The following TRPC7 variants were observed in gnomAD, a reference collection of about 807,000 sequenced individuals.
TRPC7 encodes the protein transient receptor potential cation channel subfamily C member 7, also known as short transient receptor potential channel 7.
TRPC7 carries 42 observed loss-of-function variants against 90.1 expected under a neutral mutation model. The observed-to-expected ratio is 0.47, with a 90% CI of 0.36 to 0.60. The LOEUF (loss-of-function observed/expected upper bound fraction) is 0.60, where lower values mean the gene tolerates loss of function less well. Among genes scored for constraint, TRPC7 ranks in the 20% least tolerant of loss-of-function variants. The probability of loss-of-function intolerance (pLI) is 0.00; values close to 1 mark genes in which losing one functional copy is unlikely to be tolerated. For synonymous variants in TRPC7, 451 were observed against 436.3 expected (o/e 1.03, Z -0.42); for missense variants, 955 against 1,112.3 (o/e 0.86, Z 2.01).
intron 3 of TRPC7, among the ~76,000 whole-genome samples, chr5:136,305,847 C>A (rs2149834327): frequency 6.6e-6 from 1 of 152,278 alleles, no homozygotes; most frequent in South Asian, 2.1e-4. Context: ...AAAAACACAC[C>A]TCACCAAGCA....
At chr5:136,278,043 G>A (rs931252822) in intron 3 of TRPC7, among the ~76,000 whole-genome samples, 4 of 152,214 alleles carry the variant, frequency 2.6e-5, no homozygotes, top group South Asian at 2.1e-4. Context: ...GAGATGGACT[G>A]TCCAAGGACC....
At chr5:136,320,450 C>T (rs553943432) in intron 2 of TRPC7, among the ~76,000 whole-genome samples, 1 of 152,326 alleles carries the variant, frequency 6.6e-6, no homozygotes, top group Non-Finnish European at 1.5e-5. Flanking sequence ...TCTCTGTACA[C>T]CCGCTCCAAA....
intron 2 of TRPC7, among the ~76,000 whole-genome samples, chr5:136,321,906 A>C (rs147771149): frequency 5.3e-5 from 8 of 152,248 alleles, no homozygotes. Context: ...CACATCCACT[A>C]TATGGATGTA....
intron 2 of TRPC7, among the ~76,000 whole-genome samples, chr5:136,333,486 T>C (rs1348229673): frequency 6.6e-6 from 1 of 152,232 alleles, no homozygotes; most frequent in Non-Finnish European, 1.5e-5. Flanking sequence ...GATTGGACTT[T>C]ATAACATAGG....
chr5:136,218,787 T>C (rs1156828701), intron 10 of TRPC7, among the ~76,000 whole-genome samples: 1 of 152,146 alleles, frequency 6.6e-6, no homozygotes, highest in East Asian at 1.9e-4. Context: ...AAGAAGCAAA[T>C]GCATTGAGTG....
At chr5:136,238,687 C>T (rs1328088425) in intron 7 of TRPC7, among the ~76,000 whole-genome samples, 3 of 152,152 alleles carry the variant, frequency 2.0e-5, no homozygotes, top group Admixed American at 6.5e-5. Flanking sequence ...GAGAGGGTGC[C>T]GTGAAGCCAG....
chr5:136,216,154 C>G (rs1181582572), intron 11 of TRPC7, 46 bp downstream of exon 11: 1 of 1,514,352 alleles, frequency 6.6e-7, no homozygotes, highest in Non-Finnish European at 9.1e-7. Context: ...CCCACAGAAC[C>G]TGTGTTGTTT....
At chr5:136,279,638 A>G (rs1757480058) in intron 3 of TRPC7, among the ~76,000 whole-genome samples, 1 of 152,156 alleles carries the variant, frequency 6.6e-6, no homozygotes, top group African/African-American at 2.4e-5. Context: ...TATCACAAAG[A>G]GGCCACCCTC....
intron 3 of TRPC7, among the ~76,000 whole-genome samples, chr5:136,307,327 T>A (rs62385831): frequency 0.12 from 18,768 of 152,158 alleles, 1,230 homozygotes; most frequent in African/African-American, 0.15. Context: ...TAACTGTGAT[T>A]CTACTCTCTA....
intron 3 of TRPC7, among the ~76,000 whole-genome samples, chr5:136,293,429 A>G (rs1411186838): frequency 6.6e-6 from 1 of 152,260 alleles, no homozygotes; most frequent in Non-Finnish European, 1.5e-5. Context: ...GCTGATAAGC[A>G]ACTTCAGCAA....
chr5:136,240,876 TTTATTATTA>T (rs144033963), intron 7 of TRPC7, among the ~76,000 whole-genome samples: 1 of 151,814 alleles, frequency 6.6e-6, no homozygotes, highest in Non-Finnish European at 1.5e-5. Flanking sequence ...CAATTTGATA[TTTATTATTA>T]TTATTATTAT....
At chr5:136,349,040 AT>A (rs1246213086) in intron 2 of TRPC7, among the ~76,000 whole-genome samples, 1 of 152,012 alleles carries the variant, frequency 6.6e-6, no homozygotes, top group Non-Finnish European at 1.5e-5. Context: ...ATTTTTCTCA[AT>A]TTTTTTATGT....
chr5:136,349,050 G>A (rs1760102466), intron 2 of TRPC7, among the ~76,000 whole-genome samples: 1 of 151,942 alleles, frequency 6.6e-6, no homozygotes, highest in African/African-American at 2.4e-5. Context: ...ATTTTTTTAT[G>A]TGTAGTGATG....
At chr5:136,314,935 C>T (rs1758961684) in intron 3 of TRPC7, among the ~76,000 whole-genome samples, 10 of 152,180 alleles carry the variant, frequency 6.6e-5, no homozygotes. Flanking sequence ...AAAGTGGGAA[C>T]ATAATTTACT....
chr5:136,260,790 G>A (rs1046489615), intron 5 of TRPC7, among the ~76,000 whole-genome samples: 4 of 152,214 alleles, frequency 2.6e-5, no homozygotes, highest in African/African-American at 9.6e-5. Context: ...GCAGCAAGGA[G>A]ACCTGGACAA....
chr5:136,244,337 A>AT (rs1359386483), intron 7 of TRPC7, among the ~76,000 whole-genome samples: 1 of 151,184 alleles, frequency 6.6e-6, no homozygotes, highest in African/African-American at 2.4e-5. Context: ...CCCCTTTGTC[A>AT]TTTTTCTGTG....
intron 2 of TRPC7, among the ~76,000 whole-genome samples, chr5:136,355,425 G>A (rs145515696): frequency 7.7e-4 from 117 of 152,324 alleles, no homozygotes; most frequent in Non-Finnish European, 2.1e-4. Flanking sequence ...CAGTACTCAT[G>A]TCATATGGTT....
chr5:136,283,969 T>A (rs1757630698), intron 3 of TRPC7, among the ~76,000 whole-genome samples: 1 of 152,198 alleles, frequency 6.6e-6, no homozygotes, highest in African/African-American at 2.4e-5. Flanking sequence ...TAATTCCATT[T>A]ATCACCCTGC....
At chr5:136,336,723 C>T (rs775392762) in intron 2 of TRPC7, among the ~76,000 whole-genome samples, 2 of 151,996 alleles carry the variant, frequency 1.3e-5, no homozygotes, top group Non-Finnish European at 2.9e-5. Context: ...CAAGTGTTCT[C>T]GTTGTTCAAT....
Sources: gnomAD v4.1 joint callset for allele counts (sites outside exome capture counted in the v4.1 genomes callset) on GRCh38, gnomAD v4.1.1 for gene constraint, MANE v1.5 for transcripts, NCBI Gene and HGNC (gene_info 2026-07-23, HGNC 2026-07-21) for gene names.